Variants in GRM1 observed in about 807,000 individuals in gnomAD.
GRM1 encodes glutamate metabotropic receptor 1, also known as metabotropic glutamate receptor 1.
In GRM1, 33 loss-of-function variants were observed where a neutral mutation model predicts 90.9. That is an observed-to-expected ratio of 0.36 (90% CI 0.28 to 0.49). GRM1 has a LOEUF of 0.49. GRM1 is among the 20% of genes least tolerant of loss of function. GRM1 has a pLI of 0.99. For missense variants in GRM1, 1,190 were observed against 1,534.3 expected (o/e 0.78, Z 3.75); for synonymous variants, 700 against 613.2 (o/e 1.14, Z -2.09).
At chr6:146,090,745 G>A (rs1776689503) in intron 1 of GRM1, among the ~76,000 whole-genome samples, 1 of 152,022 alleles carries the variant, frequency 6.6e-6, no homozygotes, top group African/African-American at 2.4e-5. Context: ...ATCCAATGAA[G>A]TCCAAACCCA....
chr6:146,357,183 G>A (rs1270033139), intron 4 of GRM1, among the ~76,000 whole-genome samples: 2 of 152,070 alleles, frequency 1.3e-5, no homozygotes, highest in Non-Finnish European at 2.9e-5. Flanking sequence ...AAAAATTAAT[G>A]TTCTTATTGA....
At chr6:146,052,005 A>G (rs1367855566) in intron 1 of GRM1, among the ~76,000 whole-genome samples, 1 of 152,060 alleles carries the variant, frequency 6.6e-6, no homozygotes, top group Non-Finnish European at 1.5e-5. Context: ...CTTTCTCGAG[A>G]GTAGGATATA....
intron 1 of GRM1, among the ~76,000 whole-genome samples, chr6:146,128,315 A>G (rs141095640): frequency 1.4e-3 from 209 of 152,308 alleles, no homozygotes; most frequent in African/African-American, 4.9e-3. Context: ...CTGCTAAGAT[A>G]ATAATAGGAT....
chr6:146,134,633 T>G (rs1473608119), intron 1 of GRM1, among the ~76,000 whole-genome samples: 1 of 152,036 alleles, frequency 6.6e-6, no homozygotes, highest in Non-Finnish European at 1.5e-5. Context: ...TCACTCACTA[T>G]TAAAAGAACA....
chr6:146,427,919 A>G (rs888110416), intron 7 of GRM1, among the ~76,000 whole-genome samples: 2 of 152,188 alleles, frequency 1.3e-5, no homozygotes, highest in African/African-American at 4.8e-5. Context: ...GAATGGGTAG[A>G]TGTGCTTGTC....
chr6:146,321,398 A>G (rs1784184670), intron 3 of GRM1, among the ~76,000 whole-genome samples: 3 of 152,196 alleles, frequency 2.0e-5, no homozygotes. Context: ...TTATGTGGTC[A>G]ATTTTAGAAT....
At chr6:146,071,743 C>G (rs2128858779) in intron 1 of GRM1, among the ~76,000 whole-genome samples, 1 of 152,206 alleles carries the variant, frequency 6.6e-6, no homozygotes. Context: ...ATGATAAAAC[C>G]TTGACCAACC....
intron 1 of GRM1, among the ~76,000 whole-genome samples, chr6:146,088,041 C>T (rs1776602289): frequency 6.6e-6 from 1 of 152,138 alleles, no homozygotes; most frequent in African/African-American, 2.4e-5. Context: ...GTAGCTGTAT[C>T]ATTTTACATT....
chr6:146,397,365 T>C (rs1474224897), intron 6 of GRM1, among the ~76,000 whole-genome samples: 2 of 150,192 alleles, frequency 1.3e-5, no homozygotes, highest in Non-Finnish European at 3.0e-5. Flanking sequence ...CCCCAGCTAC[T>C]CGGGAGACTG....
intron 1 of GRM1, among the ~76,000 whole-genome samples, chr6:146,145,502 A>G: frequency 6.6e-6 from 1 of 152,204 alleles, no homozygotes; most frequent in East Asian, 1.9e-4. Context: ...CTATGGCTCA[A>G]GTAGCCCTAG....
In GRM1 at chr6:146,436,602, AC is replaced by A. The variant is rs1469507933; in HGVS notation, c.*1807del. 6.6e-6 allele frequency: 1 copy of A among 152,282 alleles called. No homozygotes were observed. Among genetic ancestry groups the A allele is most frequent in the East Asian group, 1.9e-4 (1 of 5,198 alleles). The allele number at this position is 152,282 out of a possible 1,614,324, so 9.4% of individuals were successfully genotyped here. On this transcript the variant is annotated 3_prime_UTR_variant, in exon 8 of 8. Coordinates refer to ENST00000282753, the MANE Select transcript of GRM1 (RefSeq NM_001278064.2). ...TTATTCCTGTGTCTTGGCTGTCATA[AC>A]TTTTTATTTCTGCTATTTGCTGTTG...
intron 3 of GRM1, among the ~76,000 whole-genome samples, chr6:146,316,786 T>C (rs561775672): frequency 6.6e-6 from 1 of 151,906 alleles, no homozygotes; most frequent in African/African-American, 2.4e-5. Context: ...TTTGAGGGCC[T>C]GGGGACTGTC....
At chr6:146,427,000 T>C (rs1583484518) in intron 7 of GRM1, among the ~76,000 whole-genome samples, 1 of 152,142 alleles carries the variant, frequency 6.6e-6, no homozygotes, top group African/African-American at 2.4e-5. Context: ...TTTTCTTTTC[T>C]TTTTTTGCCT....
chr6:146,434,152 C>T lies in GRM1; in HGVS notation c.2941C>T (p.Arg981Cys). ...TAGCCCTTCCATGGTGGTGCACAGG[C>T]GCGTGCCAAGCGCGGCGACCACTCC... ...PGSPSMVVHR[R>C]VPSAATTPPL... The change falls in exon 8 of 8, where the codon CGC becomes TGC. Residue 981 changes from arginine to cysteine, a missense_variant. By Grantham distance (180) the Arg-to-Cys change is radical. Transcript: ENST00000282753. 1 of 1,613,960 alleles carries T rather than the reference C, an allele frequency of 6.2e-7. No homozygotes were observed. The highest frequency in any genetic ancestry group is 8.5e-7 in the Non-Finnish European group (1 of 1,179,856).
rs866321812 is a variant in GRM1 at position 146,212,156 on chromosome 6, T to A, written c.950+52559T>A. The stretch of plus-strand genomic sequence containing the variant: ...GGAGAATTCCCTTACTAGAAGTCAA[T>A]TGATTATGGATTTTGAAAATATCAA... On this transcript the variant is annotated intron_variant, in intron 2 of 7. Transcript: ENST00000282753. Among the ~76,000 whole-genome samples the A allele has an allele frequency of 2.6e-5, 4 of 152,304 alleles. No homozygotes were observed. In the South Asian group the frequency reaches 6.2e-4, roughly 24 times the overall value.
intron 3 of GRM1, among the ~76,000 whole-genome samples, chr6:146,323,709 G>T (rs1370591948): frequency 6.6e-6 from 1 of 152,118 alleles, no homozygotes; most frequent in Non-Finnish European, 1.5e-5. Context: ...TTCTTCTAGG[G>T]TTTTTATGGT....
intron 6 of GRM1, among the ~76,000 whole-genome samples, chr6:146,388,951 T>C (rs527442315): frequency 6.6e-6 from 1 of 152,242 alleles, no homozygotes; most frequent in African/African-American, 2.4e-5. Context: ...TGTCACTGGA[T>C]CTAATGAATG....
intron 1 of GRM1, among the ~76,000 whole-genome samples, chr6:146,096,887 CAG>C (rs1397603756): frequency 1.3e-5 from 2 of 152,012 alleles, no homozygotes; most frequent in East Asian, 3.9e-4. Context: ...GTACAGGAAA[CAG>C]ATGATATTTG....
intron 2 of GRM1, among the ~76,000 whole-genome samples, chr6:146,241,869 T>G (rs1200996865): frequency 1.3e-5 from 2 of 152,142 alleles, no homozygotes; most frequent in Admixed American, 6.6e-5. Flanking sequence ...AAATATTCTG[T>G]TACTCTTTTC....
Sources: allele counts gnomAD v4.1 joint callset (sites outside exome capture counted in the v4.1 genomes callset), GRCh38; gene constraint gnomAD v4.1.1; transcripts MANE v1.5; gene names NCBI Gene and HGNC (gene_info 2026-07-23, HGNC 2026-07-21).